The following NTM variants were observed in gnomAD, a reference collection of about 807,000 sequenced individuals.
NTM encodes the protein neurotrimin.
A neutral mutation model predicts 42.1 loss-of-function variants in NTM; 13 were observed. The observed-to-expected ratio is 0.31, with a 90% CI of 0.20 to 0.49. NTM has a LOEUF of 0.49. Among genes scored for constraint, NTM ranks in the 20% least tolerant of loss-of-function variants. The probability of loss-of-function intolerance (pLI) is 0.99; values close to 1 mark genes in which losing one functional copy is unlikely to be tolerated. For missense variants in NTM, 373 were observed against 452.8 expected (o/e 0.82, Z 1.60); for synonymous variants, 187 against 179.2 (o/e 1.04, Z -0.35).
intron 2 of NTM, among the ~76,000 whole-genome samples, chr11:132,134,323 A>G (rs2067353734): frequency 6.6e-6 from 1 of 151,640 alleles, no homozygotes; most frequent in African/African-American, 2.4e-5. Flanking sequence ...GTTGGCTTTT[A>G]TTTATTTATT....
intron 7 of NTM, among the ~76,000 whole-genome samples, chr11:132,326,666 A>G (rs2095689866): frequency 6.6e-6 from 1 of 152,230 alleles, no homozygotes; most frequent in Non-Finnish European, 1.5e-5. Context: ...GACTGTGGAT[A>G]TCTAAAACGT....
chr11:131,635,485 T>C (rs2064242572), intron 1 of NTM, among the ~76,000 whole-genome samples: 1 of 152,118 alleles, frequency 6.6e-6, no homozygotes, highest in South Asian at 2.1e-4. Flanking sequence ...AGAATAAGGA[T>C]ATAAAGAAAG....
chr11:132,155,302 G>A (rs1232300299), intron 3 of NTM, among the ~76,000 whole-genome samples: 2 of 152,132 alleles, frequency 1.3e-5, no homozygotes, highest in South Asian at 2.1e-4. Context: ...AATTCGATTT[G>A]GAGAAGGGTG....
intron 2 of NTM, among the ~76,000 whole-genome samples, chr11:132,056,591 A>G (rs564737579): frequency 2.0e-5 from 3 of 152,378 alleles, no homozygotes; most frequent in East Asian, 3.9e-4. Context: ...GAATTAATCA[A>G]TGAATGGAGA....
intron 4 of NTM, among the ~76,000 whole-genome samples, chr11:132,306,976 C>T (rs1247639177): frequency 6.6e-6 from 1 of 152,192 alleles, no homozygotes; most frequent in East Asian, 1.9e-4. Flanking sequence ...CAATGAGTCC[C>T]GCAATGATTA....
intron 1 of NTM, among the ~76,000 whole-genome samples, chr11:131,381,117 G>C (rs1942618715): frequency 6.6e-6 from 1 of 152,166 alleles, no homozygotes; most frequent in African/African-American, 2.4e-5. Context: ...AGATCAGTAG[G>C]GGAAGGGGGA....
At chr11:131,834,165 G>A (rs2136579992) in intron 1 of NTM, among the ~76,000 whole-genome samples, 1 of 152,078 alleles carries the variant, frequency 6.6e-6, no homozygotes, top group South Asian at 2.1e-4. Context: ...TCTCTGCCAC[G>A]GTGCTACTCA....
intron 6 of NTM, 23 bp downstream of exon 6, chr11:132,310,255 C>A: frequency 6.4e-7 from 1 of 1,553,948 alleles, no homozygotes; most frequent in Non-Finnish European, 8.6e-7. Flanking sequence ...TCTTTCCTAT[C>A]CCACCCCTAC....
chr11:131,576,387 C>A (rs962592793), intron 1 of NTM, among the ~76,000 whole-genome samples: 4 of 152,186 alleles, frequency 2.6e-5, no homozygotes. Context: ...CTCTTTCCTC[C>A]TTTTCTGGTT....
At chr11:131,618,100 T>C (rs965293570) in intron 1 of NTM, among the ~76,000 whole-genome samples, 3 of 152,224 alleles carry the variant, frequency 2.0e-5, no homozygotes, top group Admixed American at 2.0e-4. Flanking sequence ...TTGCAAGCTG[T>C]GCATTTCTTT....
Position 131,577,386 on chromosome 11 carries a change from C to T in NTM, c.82+206498C>T, listed in dbSNP as rs114110557. ...TGAGGCTATCTATCAACTCTTATAGCACTTCTGTGAGGCACAGAGCAAATG... is the reference window on the plus strand; with the variant it reads ...TGAGGCTATCTATCAACTCTTATAGTACTTCTGTGAGGCACAGAGCAAATG... On this transcript the variant is annotated intron_variant, in intron 1 of 8. Coordinates refer to ENST00000683400, the MANE Select transcript of NTM (RefSeq NM_001352005.2). Among the ~76,000 whole-genome samples, 1,324 of 152,202 alleles carry T rather than the reference C, an allele frequency of 8.7e-3. 20 individuals carry two copies. Among genetic ancestry groups the T allele is most frequent in the African/African-American group, 0.03 (1,227 of 41,520 alleles).
At chr11:131,961,714 A>G (rs481442) in intron 2 of NTM, among the ~76,000 whole-genome samples, 20,237 of 152,166 alleles carry the variant, frequency 0.13, 1,756 homozygotes, top group East Asian at 0.28. Context: ...AGGCAGCATC[A>G]ATAGCCCTGA....
chr11:132,317,056 T>C (rs1015655923), intron 7 of NTM, among the ~76,000 whole-genome samples: 21 of 152,210 alleles, frequency 1.4e-4, no homozygotes, highest in Admixed American at 9.8e-4. Flanking sequence ...CGTTGAGAAG[T>C]GAGGAATTCT....
intron 1 of NTM, among the ~76,000 whole-genome samples, chr11:131,405,415 T>C (rs1945703448): frequency 8.1e-6 from 1 of 123,866 alleles, no homozygotes; most frequent in Admixed American, 9.1e-5. Flanking sequence ...AGGGCACACT[T>C]CTAAACTTAT....
chr11:131,592,647 A>AACACACAC (rs3040142), intron 1 of NTM, among the ~76,000 whole-genome samples: 3,354 of 140,730 alleles, frequency 0.024, 59 homozygotes, highest in Non-Finnish European at 0.034. Flanking sequence ...ACACACCCCA[A>AACACACAC]ACACACACAC....
intron 3 of NTM, among the ~76,000 whole-genome samples, chr11:132,161,214 A>C (rs777488251): frequency 1.9e-4 from 29 of 151,988 alleles, no homozygotes; most frequent in Non-Finnish European, 3.5e-4. Flanking sequence ...TCATTTGTCC[A>C]TGGATTCTCC....
chr11:132,228,377 G>A (rs77496586), intron 4 of NTM, among the ~76,000 whole-genome samples: 2,407 of 152,224 alleles, frequency 0.016, 62 homozygotes, highest in African/African-American at 0.053. Flanking sequence ...CACCAACCTG[G>A]AAAACGTACC....
intron 2 of NTM, among the ~76,000 whole-genome samples, chr11:132,060,425 C>A (rs533799960): frequency 5.1e-4 from 65 of 126,526 alleles, no homozygotes; most frequent in African/African-American, 1.5e-3. Context: ...ATTGTTACTG[C>A]GCTATGAACA....
chr11:132,322,544 CT>C (rs1431488645), intron 7 of NTM, among the ~76,000 whole-genome samples: 2 of 108,260 alleles, frequency 1.8e-5, no homozygotes, highest in African/African-American at 7.2e-5. Flanking sequence ...CCTGAGTGAC[CT>C]ACAAAGAGAC....
Sources: gnomAD v4.1 joint callset for allele counts (sites outside exome capture counted in the v4.1 genomes callset) on GRCh38, gnomAD v4.1.1 for gene constraint, MANE v1.5 for transcripts, NCBI Gene and HGNC (gene_info 2026-07-23, HGNC 2026-07-21) for gene names.